The following SLC35F1 variants were observed in gnomAD, a reference collection of about 807,000 sequenced individuals.
The protein encoded by SLC35F1 is solute carrier family 35 member F1, also known as chromosome 6 open reading frame 169.
A neutral mutation model predicts 48.7 loss-of-function variants in SLC35F1; 14 were observed. The ratio of observed to expected loss-of-function variants is 0.29; its 90% CI spans 0.19 to 0.45. SLC35F1 has a LOEUF of 0.45. SLC35F1 is among the 20% of genes least tolerant of loss of function. The pLI, the probability that SLC35F1 is intolerant of heterozygous loss-of-function variation, is 1.00. For synonymous variants in SLC35F1, 190 were observed against 202.2 expected (o/e 0.94, Z 0.51); for missense variants, 404 against 500.0 (o/e 0.81, Z 1.83).
At chr6:118,276,456 A>G (rs80108671) in intron 5 of SLC35F1, among the ~76,000 whole-genome samples, 6,073 of 152,268 alleles carry the variant, frequency 0.04, 416 homozygotes, top group African/African-American at 0.14. Flanking sequence ...AAGATATTTT[A>G]GCATCACCTT....
intron 1 of SLC35F1, among the ~76,000 whole-genome samples, chr6:118,121,892 G>A (rs1773556967): frequency 2.6e-5 from 4 of 152,192 alleles, no homozygotes; most frequent in African/African-American, 7.2e-5. Flanking sequence ...CTCAGTTGGG[G>A]ATTTCAGAAT....
intron 1 of SLC35F1, among the ~76,000 whole-genome samples, chr6:118,062,478 AC>A (rs919948539): frequency 2.6e-5 from 4 of 152,124 alleles, no homozygotes; most frequent in African/African-American, 9.7e-5. Context: ...TGGGATATCC[AC>A]CCCCTCAAGC....
At chr6:118,131,324 T>G (rs1389057284) in intron 1 of SLC35F1, among the ~76,000 whole-genome samples, 1 of 151,966 alleles carries the variant, frequency 6.6e-6, no homozygotes, top group Non-Finnish European at 1.5e-5. Context: ...TATTAAAGAG[T>G]TTTTTGCTCA....
chr6:117,988,993 A>T (rs1168936955), intron 1 of SLC35F1, among the ~76,000 whole-genome samples: 7 of 152,244 alleles, frequency 4.6e-5, no homozygotes, highest in African/African-American at 1.7e-4. Context: ...GGGAGGTGTC[A>T]TATTTTGAAG....
At chr6:118,057,605 G>A (rs369604244) in intron 1 of SLC35F1, among the ~76,000 whole-genome samples, 1 of 152,126 alleles carries the variant, frequency 6.6e-6, no homozygotes, top group African/African-American at 2.4e-5. Context: ...TTAGTCTTTG[G>A]CCTTGATATT....
chr6:118,000,030 A>G (rs1474328929), intron 1 of SLC35F1, among the ~76,000 whole-genome samples: 2 of 151,388 alleles, frequency 1.3e-5, no homozygotes, highest in African/African-American at 4.8e-5. Flanking sequence ...ACAAGGAGGA[A>G]CTGGTACCAT....
At chr6:118,252,920 G>A (rs532991020) in intron 3 of SLC35F1, among the ~76,000 whole-genome samples, 2 of 152,270 alleles carry the variant, frequency 1.3e-5, no homozygotes, top group East Asian at 3.9e-4. Flanking sequence ...CCCATTCAGG[G>A]AGGGAAGAAT....
In SLC35F1 at chr6:117,977,650, A is replaced by C. The variant is rs142023790; in HGVS notation, c.173+69751A>C. Among the ~76,000 whole-genome samples, 10 of 152,224 alleles carry C rather than the reference A, an allele frequency of 6.6e-5. No individual in the cohort carries two copies. In the East Asian group the frequency reaches 1.9e-3, roughly 29 times the overall value. ...GAGCTCTTAATAGTGTAAGACTAAT[A>C]TATCTCCATCTGCTATATCTGGGGT... On this transcript the variant is annotated intron_variant, in intron 1 of 7. Coordinates refer to ENST00000360388, the MANE Select transcript of SLC35F1 (RefSeq NM_001029858.4).
intron 1 of SLC35F1, among the ~76,000 whole-genome samples, chr6:117,930,251 GTTGTCTGGACTCTACA>G (rs1214395899): frequency 6.6e-6 from 1 of 152,170 alleles, no homozygotes; most frequent in Non-Finnish European, 1.5e-5. Flanking sequence ...CTAAAAGGAT[GTTGTCTGGACTCTACA>G]TTTTGCTCCA....
At chr6:118,085,586 C>T (rs1364217744) in intron 1 of SLC35F1, among the ~76,000 whole-genome samples, 1 of 139,858 alleles carries the variant, frequency 7.2e-6, no homozygotes, top group African/African-American at 2.6e-5. Context: ...CAACCTTCAC[C>T]TCTAGCCTCA....
chr6:118,178,053 T>C (rs535836098), intron 2 of SLC35F1, among the ~76,000 whole-genome samples: 105 of 152,202 alleles, frequency 6.9e-4, no homozygotes, highest in African/African-American at 2.5e-3. Context: ...ATAGCAGCTT[T>C]CCCAATCTTG....
chr6:118,087,884 A>T (rs992657296), intron 1 of SLC35F1, among the ~76,000 whole-genome samples: 18 of 152,290 alleles, frequency 1.2e-4, no homozygotes, highest in African/African-American at 4.3e-4. Flanking sequence ...TTTTGTTATC[A>T]TGTTTATCTT....
At chr6:118,079,754 A>G (rs1035532553) in intron 1 of SLC35F1, among the ~76,000 whole-genome samples, 11 of 152,274 alleles carry the variant, frequency 7.2e-5, no homozygotes, top group African/African-American at 2.4e-4. Flanking sequence ...GGACAAATGA[A>G]AAACTTCCCC....
At chr6:118,283,837 T>C (rs924956725) in intron 6 of SLC35F1, among the ~76,000 whole-genome samples, 3 of 152,130 alleles carry the variant, frequency 2.0e-5, no homozygotes. Flanking sequence ...AGAAAAACGG[T>C]CCGTTTTTAG....
intron 3 of SLC35F1, among the ~76,000 whole-genome samples, chr6:118,245,671 G>A (rs551411225): frequency 1.3e-5 from 2 of 152,182 alleles, no homozygotes; most frequent in South Asian, 4.2e-4. Flanking sequence ...CCTCCCAGCC[G>A]GCACCCCTTC....
chr6:118,311,157 A>G (rs965797539), intron 7 of SLC35F1, among the ~76,000 whole-genome samples: 14 of 152,166 alleles, frequency 9.2e-5, no homozygotes, highest in Non-Finnish European at 1.5e-5. Context: ...TCATTGTCCT[A>G]TCATACTCCT....
chr6:117,962,637 C>T (rs1397174139), intron 1 of SLC35F1, among the ~76,000 whole-genome samples: 4 of 152,120 alleles, frequency 2.6e-5, no homozygotes, highest in African/African-American at 9.7e-5. Flanking sequence ...TGTGAACGCC[C>T]ACCACTCCTC....
intron 1 of SLC35F1, among the ~76,000 whole-genome samples, chr6:118,115,560 T>G (rs1773466640): frequency 6.6e-6 from 1 of 152,236 alleles, no homozygotes; most frequent in Non-Finnish European, 1.5e-5. Flanking sequence ...TTACAGCCAC[T>G]GAAATGGCCA....
intron 2 of SLC35F1, among the ~76,000 whole-genome samples, chr6:118,155,179 C>A (rs932898012): frequency 6.6e-6 from 1 of 152,148 alleles, no homozygotes; most frequent in South Asian, 2.1e-4. Context: ...AGAGCCAATG[C>A]AAGAAAACCT....
Sources: allele counts gnomAD v4.1 joint callset (sites outside exome capture counted in the v4.1 genomes callset), GRCh38; gene constraint gnomAD v4.1.1; transcripts MANE v1.5; gene names NCBI Gene and HGNC (gene_info 2026-07-23, HGNC 2026-07-21).